SLC25A30: variants seen among roughly 807,000 people sequenced by gnomAD.
SLC25A30 encodes the protein kidney mitochondrial carrier protein 1.
A neutral mutation model predicts 42.7 loss-of-function variants in SLC25A30; 29 were observed. The observed-to-expected ratio is 0.68, with a 90% CI of 0.51 to 0.93. The LOEUF is 0.93. Among genes scored for constraint, SLC25A30 ranks in the 40% least tolerant of loss-of-function variants. The pLI, the probability that SLC25A30 is intolerant of heterozygous loss-of-function variation, is 0.00. For missense variants in SLC25A30, 300 were observed against 359.7 expected (o/e 0.83, Z 1.34); for synonymous variants, 124 against 131.0 (o/e 0.95, Z 0.37).
chr13:45,432,855 A>T, the SLC25A30 span, among the ~76,000 whole-genome samples: 2 of 151,246 alleles, frequency 1.3e-5, no homozygotes, highest in African/African-American at 4.9e-5. Flanking sequence ...ATGGCAAAAC[A>T]CAGTCTCTAC....
intron 6 of SLC25A30, among the ~76,000 whole-genome samples, chr13:45,401,732 T>A (rs1410402447): frequency 6.6e-6 from 1 of 150,694 alleles, no homozygotes; most frequent in Non-Finnish European, 1.5e-5. Flanking sequence ...TCACACAATA[T>A]CTTATACATA....
chr13:45,400,055 C>T (rs1881806147), intron 7 of SLC25A30, among the ~76,000 whole-genome samples: 1 of 142,926 alleles, frequency 7.0e-6, no homozygotes, highest in African/African-American at 2.6e-5. Context: ...CACACACACA[C>T]ACACACACAC....
chr13:45,405,188 G>A (rs1882384020), intron 4 of SLC25A30, among the ~76,000 whole-genome samples: 1 of 152,178 alleles, frequency 6.6e-6, no homozygotes, highest in Non-Finnish European at 1.5e-5. Flanking sequence ...CCTCCCCAAA[G>A]CACTGGGATT....
At chr13:45,399,130 C>T in intron 7 of SLC25A30, 52 bp from the exon 8 acceptor site, 1 of 1,525,594 alleles carries the variant, frequency 6.6e-7, no homozygotes, top group Non-Finnish European at 8.8e-7. Flanking sequence ...CACTGAGCTA[C>T]AACCACCATC....
At position 45,406,030 on chromosome 13, in the gene SLC25A30, C is replaced by A. The variant is rs370761963; in HGVS notation, c.213-53G>T. The stretch of plus-strand genomic sequence containing the variant: ...AAGCAATCTAAAAATCACTTAACAT[C>A]GGCTAGGCAACCCACATGCAGAGTG... On this transcript the variant is annotated intron_variant, in intron 3 of 9. Transcript: ENST00000519676. 7 of 1,548,542 alleles carry A rather than the reference C, an allele frequency of 4.5e-6. No homozygotes were observed. In the African/African-American group the frequency reaches 5.4e-5, roughly 12 times the overall value.
intron 1 of SLC25A30, among the ~76,000 whole-genome samples, chr13:45,417,841 G>A (rs1206612031): frequency 1.3e-5 from 2 of 152,314 alleles, no homozygotes; most frequent in African/African-American, 4.8e-5. Flanking sequence ...TGTGTGCCAC[G>A]AGCGATTCCG....
chr13:45,400,582 A>G lies in SLC25A30; in HGVS notation c.614+501T>C, dbSNP rs192891899. 3.0e-3 allele frequency among the ~76,000 whole-genome samples: 459 copies of G among 152,182 alleles called. 5 individuals carry two copies. The highest frequency in any genetic ancestry group is 0.01 in the African/African-American group (421 of 41,526). On this transcript the variant is annotated intron_variant, in intron 7 of 9. Transcript: ENST00000519676. ...CCCAGTCAAGGCTCACTGCAGCCTC[A>G]CCTTCCTGAGCTCAGGCAATCCTCC...
upstream of SLC25A30, among the ~76,000 whole-genome samples, chr13:45,422,206 C>A (rs945628616): frequency 6.6e-6 from 1 of 152,126 alleles, no homozygotes; most frequent in African/African-American, 2.4e-5. Flanking sequence ...CATTAAACTA[C>A]AGGAATGATG....
chr13:45,417,118 A>T (rs1023835940), intron 1 of SLC25A30, among the ~76,000 whole-genome samples: 5 of 152,106 alleles, frequency 3.3e-5, no homozygotes, highest in African/African-American at 9.7e-5. Flanking sequence ...GATTCAAGCG[A>T]TTCTCCTGTC....
At chr13:45,431,869 C>T in the SLC25A30 span, among the ~76,000 whole-genome samples, 2 of 152,138 alleles carry the variant, frequency 1.3e-5, no homozygotes, top group Admixed American at 1.3e-4. Flanking sequence ...GTAAATGTCA[C>T]CATCAGCTAT....
chr13:45,424,152 T>TATATATAAACATATCA, the SLC25A30 span, among the ~76,000 whole-genome samples: 2 of 87,202 alleles, frequency 2.3e-5, no homozygotes, highest in South Asian at 4.2e-4. Flanking sequence ...AATATAAGTA[T>TATATATAAACATATCA]ATATATAGAA....
At chr13:45,399,371 A>C (rs1472577741) in intron 7 of SLC25A30, among the ~76,000 whole-genome samples, 1 of 151,986 alleles carries the variant, frequency 6.6e-6, no homozygotes, top group Non-Finnish European at 1.5e-5. Flanking sequence ...ACATCCAGCT[A>C]ATTTTTTTTG....
At chr13:45,402,173 C>T (rs929850935) in intron 6 of SLC25A30, 102 bp downstream of exon 6, 4 of 799,590 alleles carry the variant, frequency 5.0e-6, no homozygotes, top group Admixed American at 4.6e-5. Flanking sequence ...TCTTCCCTTA[C>T]TCCATTACGA....
At chr13:45,401,682 G>A (rs1305038435) in intron 6 of SLC25A30, among the ~76,000 whole-genome samples, 1 of 149,382 alleles carries the variant, frequency 6.7e-6, no homozygotes, top group Non-Finnish European at 1.5e-5. Context: ...AAAAAAAAAA[G>A]AGCAAAAGAC....
At chr13:45,424,811 A>AT in the SLC25A30 span, among the ~76,000 whole-genome samples, 1 of 54,390 alleles carries the variant, frequency 1.8e-5, no homozygotes, top group African/African-American at 8.0e-5. Context: ...TATATAAAAA[A>AT]ATATAAATAT....
upstream of SLC25A30, among the ~76,000 whole-genome samples, chr13:45,420,593 TA>T (rs925340402): frequency 1.3e-4 from 20 of 152,196 alleles, no homozygotes; most frequent in Non-Finnish European, 1.9e-4. Context: ...ACTCTACCAT[TA>T]CCCTAAGCCC....
chr13:45,416,176 G>A (rs1183580495), intron 1 of SLC25A30, among the ~76,000 whole-genome samples: 1 of 151,946 alleles, frequency 6.6e-6, no homozygotes, highest in South Asian at 2.1e-4. Flanking sequence ...GGGAGGCCGA[G>A]GCGGGTGGAT....
chr13:45,420,544 T>A (rs908156364), upstream of SLC25A30, among the ~76,000 whole-genome samples: 1 of 152,156 alleles, frequency 6.6e-6, no homozygotes, highest in Non-Finnish European at 1.5e-5. Flanking sequence ...TACAAAGCAC[T>A]GGATTCCTCC....
At chr13:45,433,774 A>G in the SLC25A30 span, among the ~76,000 whole-genome samples, 1 of 152,200 alleles carries the variant, frequency 6.6e-6, no homozygotes, top group Non-Finnish European at 1.5e-5. Flanking sequence ...TGTAACCCAC[A>G]TTAAGAAATG....
Sources: gnomAD v4.1 joint callset for allele counts (sites outside exome capture counted in the v4.1 genomes callset) on GRCh38, gnomAD v4.1.1 for gene constraint, MANE v1.5 for transcripts, NCBI Gene and HGNC (gene_info 2026-07-23, HGNC 2026-07-21) for gene names.